KAZN: variants seen among roughly 807,000 people sequenced by gnomAD.
KAZN encodes the protein kazrin, periplakin interacting protein.
In KAZN, 40 loss-of-function variants were observed where a neutral mutation model predicts 87.4. That is an observed-to-expected ratio of 0.46 (90% confidence interval 0.36 to 0.60). The LOEUF (loss-of-function observed/expected upper bound fraction) is 0.60. Ranked by LOEUF, KAZN falls within the 20% of genes least tolerant of loss-of-function variation. KAZN has a pLI of 0.00. For synonymous variants in KAZN, 466 were observed against 458.3 expected (o/e 1.02, Z -0.22); for missense variants, 898 against 1,073.9 (o/e 0.84, Z 2.29).
chr1:14,242,379 TA>T (rs370750190), intron 2 of KAZN, among the ~76,000 whole-genome samples: 2 of 152,238 alleles, frequency 1.3e-5, no homozygotes, highest in African/African-American at 4.8e-5. Context: ...CAGCCAGTGT[TA>T]AAAATGATGT....
chr1:14,700,483 A>C (rs1641862166), intron 1 of KAZN, among the ~76,000 whole-genome samples: 1 of 151,912 alleles, frequency 6.6e-6, no homozygotes, highest in Admixed American at 6.6e-5. Context: ...AAAAAAAAAA[A>C]ATAGTCAGAG....
At chr1:14,410,606 T>C (rs1295265696) in intron 2 of KAZN, among the ~76,000 whole-genome samples, 1 of 152,186 alleles carries the variant, frequency 6.6e-6, no homozygotes, top group African/African-American at 2.4e-5. Context: ...AAAAAGTTAA[T>C]GATCTTGAGA....
At chr1:14,146,882 C>T (rs556661142) in intron 1 of KAZN, among the ~76,000 whole-genome samples, 1 of 151,928 alleles carries the variant, frequency 6.6e-6, no homozygotes, top group East Asian at 1.9e-4. Flanking sequence ...TATGGTTGAT[C>T]CTTGAACAAC....
At chr1:14,868,201 ACATACGCAGGCATCG>A (rs1366687952) in intron 1 of KAZN, among the ~76,000 whole-genome samples, 1 of 152,032 alleles carries the variant, frequency 6.6e-6, no homozygotes, top group Non-Finnish European at 1.5e-5. Flanking sequence ...AGCACGCATC[ACATACGCAGGCATCG>A]CATACGCAGG....
At chr1:14,597,089 A>G (rs1436026935), upstream of KAZN, among the ~76,000 whole-genome samples, 1 of 152,198 alleles carries the variant, frequency 6.6e-6, no homozygotes, top group East Asian at 1.9e-4. Flanking sequence ...TCTCCCCATA[A>G]CGTAACTGAA....
chr1:14,816,029 A>G (rs928525078), intron 1 of KAZN, among the ~76,000 whole-genome samples: 13 of 152,098 alleles, frequency 8.5e-5, no homozygotes, highest in African/African-American at 2.9e-4. Context: ...CAAGGCTGAC[A>G]TTGTAGAAGG....
In KAZN at chr1:14,856,553, T is replaced by A. The variant is rs1350915488; in HGVS notation, c.227-104131T>A. On this transcript the variant is annotated intron_variant, in intron 1 of 14. Coordinates refer to ENST00000376030, the MANE Select transcript of KAZN (RefSeq NM_201628.3). This position sits in a 1 kb window ranked among gnomAD's most constrained non-coding sequence, Gnocchi z 5.2. The stretch of plus-strand genomic sequence containing the variant: ...AATGCTCATTAATATGAACACTATG[T>A]TCATTAGTATAAAACATTCCATATT... Among the ~76,000 whole-genome samples the A allele has an allele frequency of 1.3e-5, 2 of 152,244 alleles. No homozygotes were observed. The highest frequency in any genetic ancestry group is 4.8e-5 in the African/African-American group (2 of 41,470).
chr1:14,395,343 CTTTT>C (rs756288446), intron 2 of KAZN, among the ~76,000 whole-genome samples: 32 of 151,984 alleles, frequency 2.1e-4, no homozygotes, highest in Non-Finnish European at 2.8e-4. Flanking sequence ...TCCACCTCCA[CTTTT>C]TTTTAAGTGC....
intron 2 of KAZN, among the ~76,000 whole-genome samples, chr1:14,219,670 G>C (rs1647049723): frequency 6.6e-6 from 1 of 152,108 alleles, no homozygotes; most frequent in Non-Finnish European, 1.5e-5. Context: ...AATATGATAG[G>C]TGCTATATGG....
At chr1:14,920,331 T>C (rs894141012) in intron 1 of KAZN, among the ~76,000 whole-genome samples, 5 of 143,842 alleles carry the variant, frequency 3.5e-5, no homozygotes, top group Admixed American at 1.5e-4. Flanking sequence ...GTCAGGGTCA[T>C]GGGGACCCTG....
chr1:14,652,181 T>C (rs1452448466), intron 1 of KAZN, among the ~76,000 whole-genome samples: 1 of 152,210 alleles, frequency 6.6e-6, no homozygotes, highest in Non-Finnish European at 1.5e-5. Context: ...TGCAAGGACT[T>C]AGCCCAGGCA....
chr1:14,940,884 G>A (rs981868395), intron 1 of KAZN, among the ~76,000 whole-genome samples: 2 of 132,250 alleles, frequency 1.5e-5, no homozygotes, highest in African/African-American at 5.7e-5. Flanking sequence ...CCAGACAGAT[G>A]TCATTCTACC....
At chr1:14,258,388 G>GGATT (rs1650734316) in intron 2 of KAZN, among the ~76,000 whole-genome samples, 1 of 105,898 alleles carries the variant, frequency 9.4e-6, no homozygotes, top group African/African-American at 5.2e-5. Context: ...GCTAAATTTT[G>GGATT]TATTTTTTTT....
At position 15,070,593 on chromosome 1, in the gene KAZN, C is replaced by T. The variant is rs28674180; in HGVS notation, c.1222+4840C>T. On this transcript the variant is annotated intron_variant, in intron 8 of 14. Coordinates refer to ENST00000376030, the MANE Select transcript of KAZN (RefSeq NM_201628.3). ...GACAAACGGTATCGTGCCCGTCACT[C>T]AACCTGGGCTCCTGGGGAATCCAGG... Among the ~76,000 whole-genome samples, 1,241 of 152,360 alleles carry T rather than the reference C, an allele frequency of 8.1e-3. 29 individuals are homozygous for T. Among genetic ancestry groups the T allele is most frequent in the East Asian group, 0.073 (378 of 5,184 alleles).
chr1:14,143,021 T>A (rs937177821), intron 1 of KAZN, among the ~76,000 whole-genome samples: 1 of 151,972 alleles, frequency 6.6e-6, no homozygotes, highest in Non-Finnish European at 1.5e-5. Flanking sequence ...GCGGTAATTA[T>A]CTCGGGGATG....
At chr1:14,695,588 C>A (rs1277986202) in intron 1 of KAZN, among the ~76,000 whole-genome samples, 4 of 147,902 alleles carry the variant, frequency 2.7e-5, no homozygotes, top group Non-Finnish European at 5.9e-5. Flanking sequence ...TCATTGCAAC[C>A]TCTGCCTCCC....
intron 2 of KAZN, among the ~76,000 whole-genome samples, chr1:14,276,265 C>A (rs1259455453): frequency 1.4e-5 from 2 of 139,222 alleles, no homozygotes; most frequent in African/African-American, 6.7e-5. Context: ...ACTTCATCAA[C>A]ATCATCATCA....
chr1:13,990,606 T>A (rs562210793), intron 1 of KAZN, among the ~76,000 whole-genome samples: 6 of 152,208 alleles, frequency 3.9e-5, no homozygotes, highest in Non-Finnish European at 7.3e-5. Context: ...GAGGTTTGGG[T>A]TACATAGGTG....
chr1:14,234,290 AAACT>A (rs1346479631), intron 2 of KAZN, among the ~76,000 whole-genome samples: 2 of 152,330 alleles, frequency 1.3e-5, no homozygotes, highest in Middle Eastern at 3.4e-3. Flanking sequence ...CATTCTCAGC[AAACT>A]AACACAAGAA....
Sources: gnomAD v4.1 joint callset for allele counts (sites outside exome capture counted in the v4.1 genomes callset) on GRCh38, gnomAD v4.1.1 for gene constraint, Gnocchi (gnomAD v3.1) non-coding constraint, MANE v1.5 for transcripts, NCBI Gene and HGNC (gene_info 2026-07-23, HGNC 2026-07-21) for gene names.